PLEKHA8: variants seen among roughly 807,000 people sequenced by gnomAD.
The protein encoded by PLEKHA8 is pleckstrin homology domain containing A8.
PLEKHA8 carries 36 observed loss-of-function variants against 68.2 expected under a neutral mutation model. The ratio of observed to expected loss-of-function variants is 0.53; its 90% confidence interval spans 0.40 to 0.70. PLEKHA8 has a LOEUF of 0.70. Ranked by LOEUF, PLEKHA8 falls within the 30% of genes least tolerant of loss-of-function variation. PLEKHA8 has a pLI of 0.00. For missense variants in PLEKHA8, 505 were observed against 615.4 expected (o/e 0.82, Z 1.90); for synonymous variants, 211 against 216.1 (o/e 0.98, Z 0.20).
chr7:30,126,108 G>T (rs1796767944), intron 13 of PLEKHA8, among the ~76,000 whole-genome samples: 1 of 151,490 alleles, frequency 6.6e-6, no homozygotes, highest in South Asian at 2.1e-4. Flanking sequence ...TCTGAGGCTT[G>T]TGTGAATGCC....
chr7:30,113,255 TC>T (rs1432685399), intron 13 of PLEKHA8, among the ~76,000 whole-genome samples: 12 of 152,228 alleles, frequency 7.9e-5, no homozygotes. Context: ...AGTAACATTT[TC>T]TGGAAGGGCC....
intron 13 of PLEKHA8, among the ~76,000 whole-genome samples, chr7:30,115,437 T>C (rs2128019694): frequency 6.6e-6 from 1 of 152,180 alleles, no homozygotes; most frequent in East Asian, 1.9e-4. Context: ...TAGATATACA[T>C]ATATACATGT....
At chr7:30,056,278 T>TTCCCTCTCTCTC (rs771622715) in intron 9 of PLEKHA8, among the ~76,000 whole-genome samples, 1 of 56,384 alleles carries the variant, frequency 1.8e-5, no homozygotes, top group Non-Finnish European at 3.6e-5. Flanking sequence ...TAAAGATATA[T>TTCCCTCTCTCTC]TCTCTCTCTC....
At chr7:30,033,603 G>T (rs947412639) in intron 1 of PLEKHA8, among the ~76,000 whole-genome samples, 4 of 152,122 alleles carry the variant, frequency 2.6e-5, no homozygotes, top group Non-Finnish European at 5.9e-5. Context: ...TAACACTGCT[G>T]TGAACACTCA....
At chr7:30,124,944 T>TA (rs940427509) in intron 13 of PLEKHA8, among the ~76,000 whole-genome samples, 30 of 151,924 alleles carry the variant, frequency 2.0e-4, no homozygotes, top group South Asian at 6.2e-4. Context: ...TAGGAAAAAA[T>TA]AAAAAAAATC....
intron 3 of PLEKHA8, among the ~76,000 whole-genome samples, chr7:30,047,010 C>T (rs1042521473): frequency 1.3e-5 from 2 of 152,184 alleles, no homozygotes; most frequent in African/African-American, 4.8e-5. Context: ...CTTCCCTGCC[C>T]CATGGCCCTA....
downstream of PLEKHA8, among the ~76,000 whole-genome samples, chr7:30,089,257 C>A (rs1795302135): frequency 6.6e-6 from 1 of 152,160 alleles, no homozygotes; most frequent in South Asian, 2.1e-4. Flanking sequence ...CAAAATACTT[C>A]CACACCACGA....
chr7:30,047,429 G>A (rs2127973594), intron 3 of PLEKHA8, among the ~76,000 whole-genome samples: 1 of 152,234 alleles, frequency 6.6e-6, no homozygotes, highest in African/African-American at 2.4e-5. Flanking sequence ...TAAGAGTAGA[G>A]CACTGCATTA....
chr7:30,056,558 G>A (rs1478644945), intron 9 of PLEKHA8, among the ~76,000 whole-genome samples: 3 of 147,546 alleles, frequency 2.0e-5, no homozygotes, highest in Admixed American at 6.8e-5. Context: ...GTAAAACCCC[G>A]TCTCTACTAA....
chr7:30,083,309 G>T lies in PLEKHA8; in HGVS notation c.*4522G>T, dbSNP rs982198485. The T allele has an allele frequency of 4.8e-5, 47 of 984,880 alleles. No individual in the cohort carries two copies. The highest frequency in any genetic ancestry group is 6.1e-5 in the Admixed American group (1 of 16,262). The allele number at this position is 984,880 out of a possible 1,614,324, so 61.0% of individuals were successfully genotyped here. A position where few individuals can be genotyped will look rare whatever the true frequency, so the allele number is the denominator to read the frequency against. On this transcript the variant is annotated 3_prime_UTR_variant, in exon 14 of 14. Transcript: ENST00000449726. The stretch of plus-strand genomic sequence containing the variant: ...GTAATCCGCAGTTGCTTACTCAGGG[G>T]TTTCATAGTCATTTCATAAAAAATA...
At chr7:30,100,303 T>A (rs1245198636) in intron 13 of PLEKHA8, among the ~76,000 whole-genome samples, 1 of 152,136 alleles carries the variant, frequency 6.6e-6, no homozygotes, top group African/African-American at 2.4e-5. Flanking sequence ...GTAATCCCAG[T>A]ACTTTGGGAG....
Position 30,048,060 on chromosome 7 carries a change from C to G in PLEKHA8, c.438+104C>G, listed in dbSNP as rs1417594261. On this transcript the variant is annotated intron_variant, in intron 4 of 13. Coordinates refer to ENST00000449726, the MANE Select transcript of PLEKHA8 (RefSeq NM_001197026.2). ...GTAAAATATTATTTTATTAATATTACTAATATACCTAAAAAGCACCAGACG... is the reference window on the plus strand; with the variant it reads ...GTAAAATATTATTTTATTAATATTAGTAATATACCTAAAAAGCACCAGACG... 5 of 632,082 alleles carry G rather than the reference C, an allele frequency of 7.9e-6. No homozygotes were observed. In the Admixed American group the frequency reaches 2.4e-4, roughly 31 times the overall value. 39.2% of individuals were successfully genotyped at this position (632,082 alleles called of 1,614,324 possible). A position where few individuals can be genotyped will look rare whatever the true frequency, so the allele number is the denominator to read the frequency against.
In PLEKHA8 at chr7:30,082,771, C is replaced by T. The variant is rs896863767; in HGVS notation, c.*3984C>T. ...AGATTTTTTTTTAAGGAAACTTAAT[C>T]TGATTGTGAAAATCATACATATGGA... is the stretch of plus-strand genomic sequence containing the variant. On this transcript the variant is annotated 3_prime_UTR_variant, in exon 14 of 14. Coordinates refer to ENST00000449726, the MANE Select transcript of PLEKHA8 (RefSeq NM_001197026.2). The T allele has an allele frequency of 3.0e-6, 3 of 984,846 alleles. No individual in the cohort carries two copies. Among genetic ancestry groups the T allele is most frequent in the South Asian group, 9.4e-5 (2 of 21,278 alleles). 61.0% of individuals were successfully genotyped at this position (984,846 alleles called of 1,614,324 possible).
Position 30,062,754 on chromosome 7 carries a change from T to G in PLEKHA8, c.1300+12T>G, listed in dbSNP as rs369146133. ...CCAGACAGCCCTAAGTAAGTGTTCT[T>G]TATGTTTTGTTGAATGAGTCAATAG... On this transcript the variant is annotated intron_variant, in intron 12 of 13. Coordinates refer to ENST00000449726, the MANE Select transcript of PLEKHA8 (RefSeq NM_001197026.2). 267 of 1,601,186 alleles carry G rather than the reference T, an allele frequency of 1.7e-4. 1 individual carries two copies. The highest frequency in any genetic ancestry group is 1.6e-4 in the Non-Finnish European group (190 of 1,168,716).
At chr7:30,033,148 A>G (rs1790790768) in intron 1 of PLEKHA8, among the ~76,000 whole-genome samples, 1 of 152,218 alleles carries the variant, frequency 6.6e-6, no homozygotes, top group South Asian at 2.1e-4. Context: ...TAACATCTTT[A>G]TGGAGATAAT....
Position 30,079,320 on chromosome 7 carries a change from G to T in PLEKHA8, c.*533G>T. 1 of 986,780 alleles carries T rather than the reference G, an allele frequency of 1.0e-6. No homozygotes were observed. 61.1% of individuals were successfully genotyped at this position (986,780 alleles called of 1,614,324 possible). A position where few individuals can be genotyped will look rare whatever the true frequency, so the allele number is the denominator to read the frequency against. ...CAGTGATAAGGGCCTGTGTAGTAAA[G>T]ATGTTCAGGGCATTCACATGACCAT... On this transcript the variant is annotated 3_prime_UTR_variant, in exon 14 of 14. Coordinates refer to ENST00000449726, the MANE Select transcript of PLEKHA8 (RefSeq NM_001197026.2).
chr7:30,124,953 T>G (rs930509869), intron 13 of PLEKHA8, among the ~76,000 whole-genome samples: 1 of 151,990 alleles, frequency 6.6e-6, no homozygotes, highest in African/African-American at 2.4e-5. Flanking sequence ...ATAAAAAAAA[T>G]CAGAATTTTT....
rs1054272354 is a variant in PLEKHA8, at chr7:30,036,116, C to T, written c.40+7314C>T. The stretch of plus-strand genomic sequence containing the variant: ...ACTAAAAATACAAAAATTAGCTGGG[C>T]GTGATGGCACACGACTGTAATCCCA... On this transcript the variant is annotated intron_variant, in intron 1 of 13. Transcript: ENST00000449726. 2.6e-5 allele frequency among the ~76,000 whole-genome samples: 4 copies of T among 151,822 alleles called. No homozygotes were observed. The East Asian group carries it at 5.9e-4, about 22-fold the overall frequency.
At chr7:30,097,458 G>C (rs975084427) in intron 13 of PLEKHA8, among the ~76,000 whole-genome samples, 1 of 152,142 alleles carries the variant, frequency 6.6e-6, no homozygotes, top group African/African-American at 2.4e-5. Context: ...TCACTTTCAG[G>C]TACACCAATC....
Sources: allele counts gnomAD v4.1 joint callset (sites outside exome capture counted in the v4.1 genomes callset), GRCh38; gene constraint gnomAD v4.1.1; transcripts MANE v1.5; gene names NCBI Gene and HGNC (gene_info 2026-07-23, HGNC 2026-07-21).